Variants in THSD4 observed in about 807,000 individuals in gnomAD.
THSD4 encodes the protein thrombospondin type-1 domain-containing protein 4.
In THSD4, 69 loss-of-function variants were observed where a neutral mutation model predicts 119.0. The observed-to-expected ratio is 0.58, with a 90% CI of 0.48 to 0.71. The LOEUF is 0.71. THSD4 is among the 30% of genes least tolerant of loss of function. The pLI, the probability that THSD4 is intolerant of heterozygous loss-of-function variation, is 0.00. For missense variants in THSD4, 1,393 were observed against 1,391.1 expected, an observed-to-expected ratio of 1.00 and a Z score of -0.02; for synonymous variants, 524 against 540.4, an observed-to-expected ratio of 0.97 and a Z score of 0.42.
intron 7 of THSD4, among the ~76,000 whole-genome samples, chr15:71,492,473 G>A (rs774952997): frequency 1.3e-5 from 2 of 151,958 alleles, no homozygotes; most frequent in Non-Finnish European, 2.9e-5. Flanking sequence ...TTAATAGAGG[G>A]GGGGAGTTTC....
intron 6 of THSD4, chr15:71,341,481 A>G: frequency 6.2e-7 from 1 of 1,613,340 alleles, no homozygotes; most frequent in Non-Finnish European, 8.5e-7. Context: ...CCTTGTGTCC[A>G]GCCCCACTGC....
chr15:71,535,264 A>C (rs2048673827), intron 7 of THSD4, among the ~76,000 whole-genome samples: 1 of 152,216 alleles, frequency 6.6e-6, no homozygotes, highest in Non-Finnish European at 1.5e-5. Flanking sequence ...TCCTTCACTT[A>C]ATATATCTTT....
intron 6 of THSD4, among the ~76,000 whole-genome samples, chr15:71,304,405 C>T (rs1219945070): frequency 6.6e-6 from 1 of 151,934 alleles, no homozygotes; most frequent in Non-Finnish European, 1.5e-5. Context: ...TTAAGAGAGA[C>T]ATAATTTATT....
At chr15:71,483,507 C>T (rs1003168594) in intron 7 of THSD4, among the ~76,000 whole-genome samples, 1 of 152,192 alleles carries the variant, frequency 6.6e-6, no homozygotes, top group African/African-American at 2.4e-5. Context: ...GAGCATTTGA[C>T]TGGTTGGCAA....
At chr15:71,380,229 T>A (rs2046210788) in intron 6 of THSD4, among the ~76,000 whole-genome samples, 1 of 152,146 alleles carries the variant, frequency 6.6e-6, no homozygotes, top group African/African-American at 2.4e-5. Flanking sequence ...CCCTTCTTCT[T>A]TTGGTCAGCC....
intron 7 of THSD4, among the ~76,000 whole-genome samples, chr15:71,588,167 G>C (rs577592027): frequency 1.5e-4 from 23 of 149,014 alleles, no homozygotes; most frequent in Non-Finnish European, 2.5e-4. Context: ...TTAGCCGGGC[G>C]TGGTAGCGGG....
At chr15:71,453,605 G>C (rs142199622) in intron 7 of THSD4, among the ~76,000 whole-genome samples, 1 of 152,342 alleles carries the variant, frequency 6.6e-6, no homozygotes, top group African/African-American at 2.4e-5. Context: ...TAACAGCTGT[G>C]AATTTCAGTG....
At chr15:71,540,170 C>G (rs2048739227) in intron 7 of THSD4, among the ~76,000 whole-genome samples, 1 of 134,618 alleles carries the variant, frequency 7.4e-6, no homozygotes, top group African/African-American at 2.8e-5. Flanking sequence ...TGGAGTCTAG[C>G]TCTGTCGCCC....
At chr15:71,506,250 G>A (rs2048184877) in intron 7 of THSD4, among the ~76,000 whole-genome samples, 1 of 151,906 alleles carries the variant, frequency 6.6e-6, no homozygotes, top group Admixed American at 6.6e-5. Context: ...TGTGTTTTTT[G>A]GTTTTTTTCC....
At chr15:71,400,399 C>A (rs1360614717) in intron 6 of THSD4, among the ~76,000 whole-genome samples, 1 of 152,174 alleles carries the variant, frequency 6.6e-6, no homozygotes, top group African/African-American at 2.4e-5. Context: ...GAATCATTCT[C>A]CTCATCTTAT....
chr15:71,514,664 GAA>G (rs2048330918), intron 7 of THSD4, among the ~76,000 whole-genome samples: 1 of 152,116 alleles, frequency 6.6e-6, no homozygotes, highest in Admixed American at 6.5e-5. Context: ...ACTGCAGAAA[GAA>G]AATATACATA....
At position 71,608,249 on chromosome 15, in the gene THSD4, TACACACACACAC is replaced by T. The variant is rs55892951; in HGVS notation, c.1153-52258_1153-52247del. On this transcript the variant is annotated intron_variant, in intron 7 of 17. Coordinates refer to ENST00000261862, the MANE Select transcript of THSD4 (RefSeq NM_024817.3). ...AAAAAAAAAAAAAAATATATATATA[TACACACACACAC>T]ACACACACACACACACACACACTCA... is the stretch of plus-strand genomic sequence containing the variant. Among the ~76,000 whole-genome samples the T allele has an allele frequency of 6.4e-3, 675 of 106,244 alleles. 8 individuals carry two copies. The highest frequency in any genetic ancestry group is 0.016 in the South Asian group (42 of 2,696). 69.7% of individuals were successfully genotyped at this position (106,244 alleles called of 152,430 possible). A position where few individuals can be genotyped will look rare whatever the true frequency, so the allele number is the denominator to read the frequency against.
chr15:71,255,886 G>A (rs369039832), intron 5 of THSD4, among the ~76,000 whole-genome samples: 1 of 152,202 alleles, frequency 6.6e-6, no homozygotes, highest in East Asian at 1.9e-4. Flanking sequence ...CATGTCTGCC[G>A]TGGCTACTAT....
chr15:71,484,021 C>T (rs2047776329), intron 7 of THSD4, among the ~76,000 whole-genome samples: 1 of 152,118 alleles, frequency 6.6e-6, no homozygotes, highest in East Asian at 1.9e-4. Context: ...TGAGAAAATA[C>T]TCTATAAAGA....
chr15:71,509,465 C>A (rs2048245019), intron 7 of THSD4, among the ~76,000 whole-genome samples: 1 of 152,176 alleles, frequency 6.6e-6, no homozygotes, highest in South Asian at 2.1e-4. Flanking sequence ...AACTCATTAG[C>A]TTGTAAGTAA....
chr15:71,374,618 A>G (rs1279667049), intron 6 of THSD4, among the ~76,000 whole-genome samples: 1 of 152,198 alleles, frequency 6.6e-6, no homozygotes, highest in Non-Finnish European at 1.5e-5. Flanking sequence ...CAGCTTCTTC[A>G]GAGGCTGCAT....
intron 3 of THSD4, among the ~76,000 whole-genome samples, chr15:71,190,077 C>G (rs907735035): frequency 2.6e-5 from 4 of 152,198 alleles, no homozygotes; most frequent in East Asian, 1.9e-4. Flanking sequence ...AGCCATCCCC[C>G]CTTCCTCGAA....
chr15:71,278,270 A>G (rs1045729280), intron 6 of THSD4, among the ~76,000 whole-genome samples: 3 of 152,148 alleles, frequency 2.0e-5, no homozygotes, highest in Non-Finnish European at 4.4e-5. Context: ...ATCATGGCTC[A>G]TTGTAGCCCT....
chr15:71,589,404 G>A (rs1416389179), intron 7 of THSD4, among the ~76,000 whole-genome samples: 1 of 137,922 alleles, frequency 7.3e-6, no homozygotes, highest in Admixed American at 7.4e-5. Context: ...CATTCAGGCT[G>A]GAGTGCAGGA....
Sources: allele counts gnomAD v4.1 joint callset (sites outside exome capture counted in the v4.1 genomes callset), GRCh38; gene constraint gnomAD v4.1.1; transcripts MANE v1.5; gene names NCBI Gene and HGNC (gene_info 2026-07-23, HGNC 2026-07-21).